COL19A1: variants seen among roughly 807,000 people sequenced by gnomAD.
The protein encoded by COL19A1 is collagen alpha-1(XIX) chain.
Under a neutral mutation model 190.2 loss-of-function variants are expected in COL19A1, and 159 were observed. The ratio of observed to expected loss-of-function variants is 0.84; its 90% CI spans 0.73 to 0.95. COL19A1 has a LOEUF of 0.95. Among genes scored for constraint, COL19A1 ranks in the 40% least tolerant of loss-of-function variants. The probability of loss-of-function intolerance (pLI) is 0.00; values close to 1 mark genes in which losing one functional copy is unlikely to be tolerated. For missense variants in COL19A1, 1,418 were observed against 1,431.9 expected (o/e 0.99, Z 0.16); for synonymous variants, 509 against 458.9 (o/e 1.11, Z -1.39).
intron 31 of COL19A1, among the ~76,000 whole-genome samples, chr6:70,154,114 C>CG (rs1440539723): frequency 2.0e-5 from 3 of 149,412 alleles, no homozygotes; most frequent in African/African-American, 7.5e-5. Flanking sequence ...CCTACCCCCC[C>CG]CAACCCCCCA....
At chr6:69,925,627 T>G (rs928915751) in intron 4 of COL19A1, among the ~76,000 whole-genome samples, 2 of 152,132 alleles carry the variant, frequency 1.3e-5, no homozygotes, top group Non-Finnish European at 2.9e-5. Flanking sequence ...GTGAAGAAAG[T>G]CATTGGTAGC....
chr6:70,033,246 C>T (rs1779166101), intron 12 of COL19A1, among the ~76,000 whole-genome samples: 1 of 152,050 alleles, frequency 6.6e-6, no homozygotes, highest in African/African-American at 2.4e-5. Flanking sequence ...CACTTCATCA[C>T]TGGTGTCTAT....
intron 14 of COL19A1, among the ~76,000 whole-genome samples, chr6:70,038,826 C>G (rs1562109731): frequency 6.6e-6 from 1 of 152,092 alleles, no homozygotes; most frequent in Non-Finnish European, 1.5e-5. Context: ...CACCCTCTTC[C>G]CAGTTAGCTG....
chr6:70,113,540 C>T (rs967099035), intron 16 of COL19A1, among the ~76,000 whole-genome samples: 1 of 152,146 alleles, frequency 6.6e-6, no homozygotes, highest in African/African-American at 2.4e-5. Flanking sequence ...TTTTATTCCA[C>T]CTCCTTTGAC....
chr6:70,144,507 T>G (rs1786481161), intron 24 of COL19A1, among the ~76,000 whole-genome samples: 1 of 152,214 alleles, frequency 6.6e-6, no homozygotes, highest in South Asian at 2.1e-4. Flanking sequence ...CAAGCTCAGT[T>G]ACCAATCCTG....
intron 4 of COL19A1, among the ~76,000 whole-genome samples, chr6:69,904,231 T>A (rs940813774): frequency 2.6e-5 from 4 of 152,180 alleles, no homozygotes; most frequent in Non-Finnish European, 4.4e-5. Flanking sequence ...TTCCAGAGTA[T>A]TTGCACAAAA....
At chr6:70,145,287 T>C (rs904200231) in intron 25 of COL19A1, among the ~76,000 whole-genome samples, 10 of 152,116 alleles carry the variant, frequency 6.6e-5, no homozygotes, top group Non-Finnish European at 1.5e-5. Context: ...CATGCCCATC[T>C]ACAATAGACT....
chr6:70,075,955 G>A (rs997816859), intron 15 of COL19A1, among the ~76,000 whole-genome samples: 1 of 152,162 alleles, frequency 6.6e-6, no homozygotes, highest in East Asian at 1.9e-4. Flanking sequence ...AAGGAAAAAT[G>A]TTTTGTATTT....
chr6:69,978,497 C>A, intron 11 of COL19A1, among the ~76,000 whole-genome samples: 1 of 151,670 alleles, frequency 6.6e-6, no homozygotes, highest in Non-Finnish European at 1.5e-5. Flanking sequence ...TCAATAACCC[C>A]GGAACCAAAG....
At chr6:70,142,848 G>GAATTGAAATTGAGACTAGGAC (rs750439508) in intron 23 of COL19A1, 28 bp downstream of exon 23, 2 of 1,593,106 alleles carry the variant, frequency 1.3e-6, no homozygotes, top group Admixed American at 3.5e-5. Context: ...GATATTTCTG[G>GAATTGAAATTGAGACTAGGAC]AATTGAAATT....
intron 15 of COL19A1, among the ~76,000 whole-genome samples, chr6:70,076,318 T>C (rs1243873073): frequency 6.6e-6 from 1 of 152,246 alleles, no homozygotes; most frequent in African/African-American, 2.4e-5. Flanking sequence ...TTTTGTGGTA[T>C]CACACTGAAA....
chr6:70,102,360 G>A lies in COL19A1; in HGVS notation c.1278+138G>A, dbSNP rs75571632. The A allele has an allele frequency of 6.2e-4, 423 of 678,498 alleles. 2 individuals are homozygous for A. In the African/African-American group the frequency reaches 6.8e-3, roughly 11 times the overall value. 42.0% of individuals were successfully genotyped at this position (678,498 alleles called of 1,614,324 possible). A position where few individuals can be genotyped will look rare whatever the true frequency, so the allele number is the denominator to read the frequency against. On this transcript the variant is annotated intron_variant, in intron 16 of 50. Transcript: ENST00000620364. ...TTAGAATGACTGGTTTCAGCATTTG[G>A]ATGAGTAGTTCATACTCTCTATATT...
intron 11 of COL19A1, among the ~76,000 whole-genome samples, chr6:69,964,021 C>A (rs1222177118): frequency 1.3e-5 from 2 of 152,116 alleles, no homozygotes; most frequent in Non-Finnish European, 2.9e-5. Context: ...TGTTTAATAA[C>A]TCTTGTGTAC....
intron 13 of COL19A1, 94 bp from the exon 14 acceptor site, chr6:70,035,810 A>T: frequency 1.1e-5 from 10 of 879,038 alleles, no homozygotes; most frequent in Non-Finnish European, 1.8e-5. Context: ...TTCAAGATTT[A>T]TCTCTATATA....
rs6455352 is a variant in COL19A1 at position 69,930,005 on chromosome 6, A to T, written c.666+305A>T. ...ATTGAAAATATGATACAAAATATAA[A>T]CTTGGTCTAAGTTCATATGTTTTAA... On this transcript the variant is annotated intron_variant, in intron 6 of 50. Coordinates refer to ENST00000620364, the MANE Select transcript of COL19A1 (RefSeq NM_001858.6). 0.3 allele frequency among the ~76,000 whole-genome samples: 46,232 copies of T among 152,042 alleles called. 8,625 individuals carry two copies. Among genetic ancestry groups the T allele is most frequent in the African/African-American group, 0.52 (21,668 of 41,456 alleles).
intron 31 of COL19A1, among the ~76,000 whole-genome samples, chr6:70,152,080 T>A (rs915086785): frequency 2.6e-5 from 4 of 151,852 alleles, no homozygotes; most frequent in African/African-American, 7.3e-5. Flanking sequence ...TAGGGGGGGA[T>A]GATAATGGCA....
At position 70,148,272 on chromosome 6, in the gene COL19A1, C is replaced by A. The variant is rs116593066; in HGVS notation, c.1893+1383C>A. Among the ~76,000 whole-genome samples the A allele has an allele frequency of 4.6e-3, 700 of 152,028 alleles. 11 individuals carry two copies. Among genetic ancestry groups the A allele is most frequent in the African/African-American group, 0.016 (668 of 41,468 alleles). On this transcript the variant is annotated intron_variant, in intron 27 of 50. Transcript: ENST00000620364. ...GGTGATCAGCTCCTATCCAGGAGCC[C>A]ACCGAGAGTCACCTCATTGGAACAA... is the stretch of plus-strand genomic sequence containing the variant.
At chr6:70,051,423 G>A (rs527526698) in intron 14 of COL19A1, among the ~76,000 whole-genome samples, 31 of 152,218 alleles carry the variant, frequency 2.0e-4, no homozygotes, top group Admixed American at 7.2e-4. Flanking sequence ...AGCAGCATGA[G>A]CCTTATGTTT....
rs116488998 is a variant in COL19A1 at position 70,097,581 on chromosome 6, A to T, written c.1225-4588A>T. Among the ~76,000 whole-genome samples, 1,306 of 152,080 alleles carry T rather than the reference A, an allele frequency of 8.6e-3. 17 individuals are homozygous for T. The highest frequency in any genetic ancestry group is 0.03 in the African/African-American group (1,232 of 41,480). On this transcript the variant is annotated intron_variant, in intron 15 of 50. Transcript: ENST00000620364. ...ATTTTAAAACAGCCCTCCAGGTGAC[A>T]CTCATGCATGCTCAGGTTTGAGCCC...
Sources: allele counts gnomAD v4.1 joint callset (sites outside exome capture counted in the v4.1 genomes callset), GRCh38; gene constraint gnomAD v4.1.1; transcripts MANE v1.5; gene names NCBI Gene and HGNC (gene_info 2026-07-23, HGNC 2026-07-21).